The following C12orf42 variants were observed in gnomAD, a reference collection of about 807,000 sequenced individuals.
C12orf42 encodes the protein chromosome 12 open reading frame 42, also known as uncharacterized protein C12orf42.
In C12orf42, 25 loss-of-function variants were observed where a neutral mutation model predicts 21.6. That is an observed-to-expected ratio of 1.16 (90% CI 0.84 to 1.62). The LOEUF (loss-of-function observed/expected upper bound fraction) is 1.62, where lower values mean the gene tolerates loss of function less well. Among genes scored for constraint, C12orf42 ranks in the 40% most tolerant of loss-of-function variants. C12orf42 has a pLI of 0.00. For missense variants in C12orf42, 483 were observed against 459.3 expected, an observed-to-expected ratio of 1.05 and a Z score of -0.47; for synonymous variants, 174 against 175.0, an observed-to-expected ratio of 0.99 and a Z score of 0.05.
the C12orf42 span, among the ~76,000 whole-genome samples, chr12:103,083,960 A>G: frequency 6.6e-6 from 1 of 152,232 alleles, no homozygotes; most frequent in African/African-American, 2.4e-5. Context: ...AGTGTTGTAC[A>G]TAATGTGATT....
chr12:103,435,155 C>G (rs989773096), intron 2 of C12orf42, among the ~76,000 whole-genome samples: 151 of 151,942 alleles, frequency 9.9e-4, no homozygotes, highest in Admixed American at 1.8e-3. Flanking sequence ...ACACCTCACA[C>G]AGCAGGGTAT....
chr12:103,507,270 A>G, the C12orf42 span, among the ~76,000 whole-genome samples: 1 of 56,462 alleles, frequency 1.8e-5, no homozygotes, highest in Non-Finnish European at 2.5e-5. Flanking sequence ...TATAATATAT[A>G]TATTATATAT....
chr12:103,082,136 A>C, the C12orf42 span, among the ~76,000 whole-genome samples: 1 of 152,220 alleles, frequency 6.6e-6, no homozygotes, highest in African/African-American at 2.4e-5. Context: ...GATAGAGTCC[A>C]TTTGGGTTAA....
At chr12:103,071,008 T>G in the C12orf42 span, among the ~76,000 whole-genome samples, 1 of 152,200 alleles carries the variant, frequency 6.6e-6, no homozygotes, top group Admixed American at 6.6e-5. Flanking sequence ...GCTTGTACCA[T>G]GTCAGAGTGA....
chr12:103,120,793 C>T, the C12orf42 span, among the ~76,000 whole-genome samples: 1 of 149,024 alleles, frequency 6.7e-6, no homozygotes, highest in Non-Finnish European at 1.5e-5. Context: ...ATGATTTATA[C>T]ATTTTTAACA....
chr12:103,378,848 G>A (rs1378574036), intron 3 of C12orf42: 1 of 152,034 alleles, frequency 6.6e-6, no homozygotes, highest in Non-Finnish European at 1.5e-5. Context: ...AAGTGAAAAA[G>A]CAACCACAAA....
chr12:103,315,415 CTG>C (rs1249484260), intron 4 of C12orf42, among the ~76,000 whole-genome samples: 5 of 152,188 alleles, frequency 3.3e-5, no homozygotes, highest in East Asian at 1.9e-4. Context: ...ATAAAAAACA[CTG>C]TAACAGAATT....
chr12:103,509,562 A>G, the C12orf42 span, among the ~76,000 whole-genome samples: 1 of 152,216 alleles, frequency 6.6e-6, no homozygotes, highest in Non-Finnish European at 1.5e-5. Context: ...ATCGATTCCA[A>G]GGAGAGCAGG....
intron 4 of C12orf42, among the ~76,000 whole-genome samples, chr12:103,362,699 G>T (rs1337497987): frequency 6.6e-6 from 1 of 152,006 alleles, no homozygotes; most frequent in Non-Finnish European, 1.5e-5. Context: ...AAATGCAAAA[G>T]CTCCTGGAAA....
chr12:103,092,756 CAT>C, the C12orf42 span, among the ~76,000 whole-genome samples: 5 of 152,198 alleles, frequency 3.3e-5, no homozygotes, highest in Admixed American at 2.0e-4. Flanking sequence ...GAGATAATCA[CAT>C]ATAGAAATAA....
intron 2 of C12orf42, among the ~76,000 whole-genome samples, chr12:103,417,090 C>T (rs2049416037): frequency 6.6e-6 from 1 of 152,152 alleles, no homozygotes; most frequent in Admixed American, 6.5e-5. Flanking sequence ...ATAAATTATT[C>T]TCTTCAATAT....
the C12orf42 span, among the ~76,000 whole-genome samples, chr12:103,179,990 A>G: frequency 1.3e-5 from 2 of 152,138 alleles, no homozygotes; most frequent in Admixed American, 6.6e-5. Context: ...GGAGGAGAGG[A>G]GAAGTAAATA....
At chr12:103,344,256 T>A (rs1016660902) in intron 4 of C12orf42, among the ~76,000 whole-genome samples, 1 of 152,196 alleles carries the variant, frequency 6.6e-6, no homozygotes, top group African/African-American at 2.4e-5. Context: ...ATTAATCTAA[T>A]TCAAACTTCC....
At chr12:103,499,376 G>A (rs554356457), upstream of C12orf42, among the ~76,000 whole-genome samples, 46 of 152,290 alleles carry the variant, frequency 3.0e-4, no homozygotes, top group African/African-American at 8.9e-4. Flanking sequence ...AATGTAGAAA[G>A]TTTTTATTTG....
intron 3 of C12orf42, among the ~76,000 whole-genome samples, chr12:103,382,408 G>A (rs1224512735): frequency 1.3e-5 from 2 of 152,224 alleles, no homozygotes; most frequent in Non-Finnish European, 2.9e-5. Context: ...AGTAGCAGAA[G>A]ACTAAAGAGT....
chr12:103,397,642 T>A (rs1758818302), intron 3 of C12orf42: 1 of 152,316 alleles, frequency 6.6e-6, no homozygotes, highest in Non-Finnish European at 1.5e-5. Flanking sequence ...GCAAAAATGT[T>A]GGGGACAACT....
the C12orf42 span, among the ~76,000 whole-genome samples, chr12:103,554,121 G>A: frequency 2.6e-5 from 4 of 152,284 alleles, no homozygotes; most frequent in East Asian, 5.8e-4. Flanking sequence ...CTCTCTTAAA[G>A]ACTCAGTTCT....
intron 4 of C12orf42, among the ~76,000 whole-genome samples, chr12:103,294,627 A>G (rs1000039563): frequency 8.7e-5 from 13 of 149,392 alleles, no homozygotes; most frequent in African/African-American, 2.7e-4. Context: ...AAAGAAAGAA[A>G]GAAAGAAAGA....
chr12:103,559,630 C>A, the C12orf42 span: 2 of 152,248 alleles, frequency 1.3e-5, no homozygotes, highest in African/African-American at 4.8e-5. Flanking sequence ...AGAAGTGTAA[C>A]AAAAGCTGGT....
Sources: allele counts gnomAD v4.1 joint callset (sites outside exome capture counted in the v4.1 genomes callset), GRCh38; gene constraint gnomAD v4.1.1; transcripts MANE v1.5; gene names NCBI Gene and HGNC (gene_info 2026-07-23, HGNC 2026-07-21).